The following SULF1 variants were observed in gnomAD, a reference collection of about 807,000 sequenced individuals.
SULF1 encodes extracellular sulfatase Sulf-1.
Under a neutral mutation model 110.5 loss-of-function variants are expected in SULF1, and 46 were observed. The observed-to-expected ratio is 0.42, with a 90% CI of 0.33 to 0.53. The LOEUF (loss-of-function observed/expected upper bound fraction) is 0.53. Ranked by LOEUF, SULF1 falls within the 20% of genes least tolerant of loss-of-function variation. SULF1 has a pLI of 0.12. For synonymous variants in SULF1, 371 were observed against 387.1 expected, an observed-to-expected ratio of 0.96 and a Z score of 0.49; for missense variants, 941 against 1,094.2, an observed-to-expected ratio of 0.86 and a Z score of 1.98.
At chr8:69,570,823 C>A (rs1475313340) in intron 5 of SULF1, among the ~76,000 whole-genome samples, 1 of 152,222 alleles carries the variant, frequency 6.6e-6, no homozygotes, top group African/African-American at 2.4e-5. Flanking sequence ...CATCCGCCTG[C>A]AGGAGCAATG....
chr8:69,618,123 A>G (rs953555171), intron 13 of SULF1, among the ~76,000 whole-genome samples: 1 of 152,206 alleles, frequency 6.6e-6, no homozygotes, highest in Non-Finnish European at 1.5e-5. Flanking sequence ...AAATTTGAGA[A>G]CCACTCATCT....
At chr8:69,558,336 A>G (rs1815251152) in intron 3 of SULF1, among the ~76,000 whole-genome samples, 2 of 152,204 alleles carry the variant, frequency 1.3e-5, no homozygotes, top group Admixed American at 6.5e-5. Flanking sequence ...GCATAACTGC[A>G]TAATCTCCCC....
intron 3 of SULF1, among the ~76,000 whole-genome samples, chr8:69,547,763 C>CT (rs1232420841): frequency 6.6e-6 from 1 of 152,170 alleles, no homozygotes; most frequent in South Asian, 2.1e-4. Flanking sequence ...AGGCAGGACT[C>CT]TTTTCTCATT....
intron 8 of SULF1, among the ~76,000 whole-genome samples, chr8:69,598,123 A>AAG (rs1554585656): frequency 9.3e-5 from 14 of 150,260 alleles, no homozygotes; most frequent in South Asian, 2.1e-4. Flanking sequence ...AAAAAAAAAA[A>AAG]GGGGGGGACC....
At chr8:69,543,723 A>G (rs928738786) in intron 3 of SULF1, among the ~76,000 whole-genome samples, 2 of 152,130 alleles carry the variant, frequency 1.3e-5, no homozygotes, top group African/African-American at 2.4e-5. Flanking sequence ...AAATAGCCAC[A>G]TCATTTAGGA....
At chr8:69,549,169 G>A (rs904838494) in intron 3 of SULF1, among the ~76,000 whole-genome samples, 2 of 152,220 alleles carry the variant, frequency 1.3e-5, no homozygotes, top group Admixed American at 1.3e-4. Flanking sequence ...AAGTCCTGGA[G>A]TGAGAAGAGC....
upstream of SULF1, among the ~76,000 whole-genome samples, chr8:69,492,282 T>A (rs1283000020): frequency 6.6e-6 from 1 of 151,534 alleles, no homozygotes; most frequent in Non-Finnish European, 1.5e-5. Flanking sequence ...GAAAGAGCGC[T>A]CTGGTTCCGT....
chr8:69,544,891 A>G (rs1814138338), intron 3 of SULF1, among the ~76,000 whole-genome samples: 1 of 152,186 alleles, frequency 6.6e-6, no homozygotes, highest in Non-Finnish European at 1.5e-5. Context: ...TTTTGGATAT[A>G]AAATATGAAA....
intron 13 of SULF1, among the ~76,000 whole-genome samples, chr8:69,617,408 TATATATATATATATATATATATATA>T (rs1563592197): frequency 9.1e-4 from 74 of 81,470 alleles, no homozygotes; most frequent in African/African-American, 3.4e-3. Context: ...TATATATATA[TATATATATATATATATATATATATA>T]TGTTTTTTTT....
chr8:69,641,445 A>C (rs1353335596), intron 22 of SULF1, among the ~76,000 whole-genome samples: 2 of 152,154 alleles, frequency 1.3e-5, no homozygotes, highest in Non-Finnish European at 2.9e-5. Flanking sequence ...GAGTACCGGG[A>C]GTCAAGATAC....
intron 3 of SULF1, among the ~76,000 whole-genome samples, chr8:69,535,021 C>T (rs1011843372): frequency 6.6e-6 from 1 of 152,102 alleles, no homozygotes; most frequent in Non-Finnish European, 1.5e-5. Flanking sequence ...GAAATAGAAA[C>T]TTCAGCCTAA....
chr8:69,510,839 A>G (rs770215333), intron 3 of SULF1, among the ~76,000 whole-genome samples: 6 of 151,484 alleles, frequency 4.0e-5, no homozygotes, highest in Non-Finnish European at 8.8e-5. Context: ...CTGGTCTCGA[A>G]CTCCTGACCT....
chr8:69,632,091 A>G (rs1810601861), intron 19 of SULF1, among the ~76,000 whole-genome samples: 1 of 152,192 alleles, frequency 6.6e-6, no homozygotes, highest in African/African-American at 2.4e-5. Context: ...TCCAGATCAA[A>G]TCAACTCATG....
intron 1 of SULF1, among the ~76,000 whole-genome samples, chr8:69,470,494 T>A (rs991538557): frequency 6.6e-6 from 1 of 152,124 alleles, no homozygotes; most frequent in African/African-American, 2.4e-5. Flanking sequence ...CATATTTTCC[T>A]CTCCCCTATA....
In SULF1 at chr8:69,495,934, AC is replaced by A. The variant is rs1810315931; in HGVS notation, c.-229+9del. Reference sequence around the variant, plus strand: ...CATAATTGGAATGGAGAGGTGGGTAACATTCGCAAATTTTTTAAAGATGACA... The same window carrying A: ...CATAATTGGAATGGAGAGGTGGGTAAATTCGCAAATTTTTTAAAGATGACA... On this transcript the variant is annotated intron_variant, in intron 2 of 22. Transcript: ENST00000402687. The A allele has an allele frequency of 6.6e-6, 1 of 152,220 alleles. No homozygotes were observed. The highest frequency in any genetic ancestry group is 2.1e-4 in the South Asian group (1 of 4,824). 9.4% of individuals were successfully genotyped at this position (152,220 alleles called of 1,614,324 possible). A position where few individuals can be genotyped will look rare whatever the true frequency, so the allele number is the denominator to read the frequency against.
chr8:69,648,080 T>C (rs2130719607), intron 22 of SULF1, among the ~76,000 whole-genome samples: 1 of 149,728 alleles, frequency 6.7e-6, no homozygotes, highest in African/African-American at 2.5e-5. Flanking sequence ...TCAAGTAGCA[T>C]GAAAATCACC....
chr8:69,540,042 T>C (rs1348593770), intron 3 of SULF1, among the ~76,000 whole-genome samples: 2 of 152,190 alleles, frequency 1.3e-5, no homozygotes, highest in East Asian at 1.9e-4. Context: ...TATAAAGGCA[T>C]GAACTGTGGT....
intron 15 of SULF1, among the ~76,000 whole-genome samples, chr8:69,624,774 G>C (rs1293752169): frequency 6.6e-6 from 1 of 152,182 alleles, no homozygotes; most frequent in Admixed American, 6.5e-5. Context: ...GGAAGTCAAG[G>C]GGACAGGGAA....
intron 1 of SULF1, among the ~76,000 whole-genome samples, chr8:69,485,080 T>C (rs1293826172): frequency 1.3e-5 from 2 of 152,154 alleles, no homozygotes; most frequent in Admixed American, 6.5e-5. Context: ...GGAGGGAAGA[T>C]GGGAGCTCAG....
Sources: allele counts gnomAD v4.1 joint callset (sites outside exome capture counted in the v4.1 genomes callset), GRCh38; gene constraint gnomAD v4.1.1; transcripts MANE v1.5; gene names NCBI Gene and HGNC (gene_info 2026-07-23, HGNC 2026-07-21).